UBE2E3: variants seen among roughly 807,000 people sequenced by gnomAD.
The protein encoded by UBE2E3 is ubiquitin conjugating enzyme E2 E3.
Under a neutral mutation model 23.6 loss-of-function variants are expected in UBE2E3, and 5 were observed. The ratio of observed to expected loss-of-function variants is 0.21; its 90% CI spans 0.11 to 0.44. The LOEUF is 0.44. Among genes scored for constraint, UBE2E3 ranks in the 20% least tolerant of loss-of-function variants. The pLI is 0.99. For synonymous variants in UBE2E3, 78 were observed against 87.5 expected (o/e 0.89, Z 0.60); for missense variants, 81 against 249.8 (o/e 0.32, Z 4.55).
chr2:181,059,772 G>A (rs971395161), intron 4 of UBE2E3, among the ~76,000 whole-genome samples: 1 of 151,606 alleles, frequency 6.6e-6, no homozygotes, highest in Non-Finnish European at 1.5e-5. Flanking sequence ...CACTAAACTA[G>A]TGTGTTGGTC....
intron 3 of UBE2E3, among the ~76,000 whole-genome samples, chr2:180,989,189 A>G (rs1046406043): frequency 1.3e-5 from 2 of 152,116 alleles, no homozygotes; most frequent in African/African-American, 4.8e-5. Flanking sequence ...TTTATTTTTC[A>G]ACAAGCTAAT....
chr2:181,057,893 T>G, intron 4 of UBE2E3, 68 bp downstream of exon 4: 1 of 1,479,690 alleles, frequency 6.8e-7, no homozygotes, highest in Non-Finnish European at 9.3e-7. Flanking sequence ...TTCTAGAACT[T>G]AAATGTGTAT....
intron 3 of UBE2E3, among the ~76,000 whole-genome samples, chr2:181,050,328 G>T (rs1186385822): frequency 1.3e-5 from 2 of 151,702 alleles, no homozygotes; most frequent in African/African-American, 4.8e-5. Flanking sequence ...ATATCATTTT[G>T]TTTTTCCTCC....
intron 3 of UBE2E3, among the ~76,000 whole-genome samples, chr2:181,048,866 C>G (rs2105470973): frequency 6.6e-6 from 1 of 152,116 alleles, no homozygotes; most frequent in Admixed American, 6.5e-5. Flanking sequence ...TCACACATGC[C>G]CATTTAGCAT....
intron 3 of UBE2E3, among the ~76,000 whole-genome samples, chr2:181,051,938 G>A (rs922626953): frequency 6.6e-6 from 1 of 151,784 alleles, no homozygotes; most frequent in Non-Finnish European, 1.5e-5. Context: ...TCAAAAATAC[G>A]TTTTCCAAAT....
chr2:180,991,375 C>T (rs1050485534), intron 3 of UBE2E3, among the ~76,000 whole-genome samples: 16 of 152,188 alleles, frequency 1.1e-4, no homozygotes, highest in African/African-American at 3.6e-4. Context: ...AAGAGATTAA[C>T]AACTTCCCAT....
chr2:181,025,256 A>C (rs892565496), intron 3 of UBE2E3, among the ~76,000 whole-genome samples: 12 of 151,980 alleles, frequency 7.9e-5, no homozygotes, highest in Admixed American at 3.9e-4. Context: ...CTACTCTCTT[A>C]AATAGACCAC....
chr2:181,057,283 G>C (rs1162357135), intron 3 of UBE2E3, among the ~76,000 whole-genome samples: 2 of 151,764 alleles, frequency 1.3e-5, no homozygotes, highest in African/African-American at 4.8e-5. Flanking sequence ...ATTTATAGGA[G>C]ATTGTTTTTA....
At chr2:181,055,845 G>A (rs1686973726) in intron 3 of UBE2E3, among the ~76,000 whole-genome samples, 1 of 151,596 alleles carries the variant, frequency 6.6e-6, no homozygotes, top group African/African-American at 2.4e-5. Flanking sequence ...CGTATGAGTC[G>A]TCTTACCAAC....
At chr2:181,018,062 A>G (rs140906934) in intron 3 of UBE2E3, among the ~76,000 whole-genome samples, 17 of 151,806 alleles carry the variant, frequency 1.1e-4, no homozygotes, top group African/African-American at 4.1e-4. Context: ...ACCTAGCTCT[A>G]CATTATGGGG....
At chr2:181,042,904 C>G (rs943318912) in intron 3 of UBE2E3, among the ~76,000 whole-genome samples, 1 of 152,162 alleles carries the variant, frequency 6.6e-6, no homozygotes, top group Non-Finnish European at 1.5e-5. Flanking sequence ...CTGGTAAATG[C>G]AACCAGATTT....
At chr2:180,994,797 A>G (rs771518318) in intron 3 of UBE2E3, among the ~76,000 whole-genome samples, 15 of 152,216 alleles carry the variant, frequency 9.9e-5, no homozygotes, top group Non-Finnish European at 1.8e-4. Flanking sequence ...GAATCCACAA[A>G]ATATATGTGG....
intron 3 of UBE2E3, among the ~76,000 whole-genome samples, chr2:181,039,397 C>T (rs760446224): frequency 1.3e-5 from 2 of 151,980 alleles, no homozygotes; most frequent in African/African-American, 2.4e-5. Flanking sequence ...TGGGTGCAGA[C>T]GAGCATTCTG....
chr2:181,013,807 C>G (rs1685402556), intron 3 of UBE2E3, among the ~76,000 whole-genome samples: 1 of 152,106 alleles, frequency 6.6e-6, no homozygotes, highest in Non-Finnish European at 1.5e-5. Context: ...AAAGTTCCAC[C>G]CAAATTCAAA....
intron 3 of UBE2E3, among the ~76,000 whole-genome samples, chr2:181,023,594 C>T (rs925671023): frequency 4.6e-5 from 7 of 152,128 alleles, no homozygotes; most frequent in Non-Finnish European, 7.4e-5. Flanking sequence ...CCTGATAGAA[C>T]AGTAGCCATG....
chr2:181,050,679 T>A (rs1028665832), intron 3 of UBE2E3, among the ~76,000 whole-genome samples: 1 of 151,854 alleles, frequency 6.6e-6, no homozygotes, highest in African/African-American at 2.4e-5. Context: ...TAGAAGAGAA[T>A]CTTAGCTCTG....
At chr2:181,043,643 CAAG>C (rs1686580270) in intron 3 of UBE2E3, among the ~76,000 whole-genome samples, 1 of 152,042 alleles carries the variant, frequency 6.6e-6, no homozygotes, top group African/African-American at 2.4e-5. Context: ...GACAAAAACA[CAAG>C]AAAGTAAAAT....
intron 3 of UBE2E3, among the ~76,000 whole-genome samples, chr2:181,027,119 TTGTC>T (rs1258931680): frequency 6.6e-6 from 1 of 151,950 alleles, no homozygotes; most frequent in Non-Finnish European, 1.5e-5. Flanking sequence ...GTTTCTTAGA[TTGTC>T]TGTACCTGTG....
In UBE2E3 at chr2:181,063,393, A is replaced by G. The variant is rs1183209684; in HGVS notation, c.*505A>G. ...TAGCTCAGAGAGCACCTGATGTATCATCTCAAACACAATAAACATGCTCCT... is the reference window on the plus strand; with the variant it reads ...TAGCTCAGAGAGCACCTGATGTATCGTCTCAAACACAATAAACATGCTCCT... On this transcript the variant is annotated 3_prime_UTR_variant, in exon 6 of 6. Transcript: ENST00000410062. The surrounding 1 kb of genome is among the most constrained non-coding windows in gnomAD (Gnocchi z 4.1). The G allele has an allele frequency of 6.6e-6, 1 of 152,134 alleles. No individual in the cohort carries two copies. The highest frequency in any genetic ancestry group is 1.5e-5 in the Non-Finnish European group (1 of 67,770). The allele number at this position is 152,134 out of a possible 1,614,324, so 9.4% of individuals were successfully genotyped here. A position where few individuals can be genotyped will look rare whatever the true frequency, so the allele number is the denominator to read the frequency against.
Sources: allele counts gnomAD v4.1 joint callset (sites outside exome capture counted in the v4.1 genomes callset), GRCh38; gene constraint gnomAD v4.1.1; non-coding constraint Gnocchi (gnomAD v3.1); transcripts MANE v1.5; gene names NCBI Gene and HGNC (gene_info 2026-07-23, HGNC 2026-07-21).